The following CWC27 variants were observed in gnomAD, a reference collection of about 807,000 sequenced individuals.
CWC27 encodes the protein spliceosome-associated protein CWC27 homolog.
A neutral mutation model predicts 63.6 loss-of-function variants in CWC27; 47 were observed. The ratio of observed to expected loss-of-function variants is 0.74; its 90% confidence interval spans 0.58 to 0.94. The LOEUF (loss-of-function observed/expected upper bound fraction) is 0.94, where lower values mean the gene tolerates loss of function less well. CWC27 is among the 40% of genes least tolerant of loss of function. The probability of loss-of-function intolerance (pLI) is 0.00; values close to 1 mark genes in which losing one functional copy is unlikely to be tolerated. For missense variants in CWC27, 495 were observed against 554.3 expected, an observed-to-expected ratio of 0.89 and a Z score of 1.07; for synonymous variants, 175 against 179.8, an observed-to-expected ratio of 0.97 and a Z score of 0.22.
At chr5:64,880,404 G>A (rs1451648578) in intron 10 of CWC27, among the ~76,000 whole-genome samples, 4 of 151,888 alleles carry the variant, frequency 2.6e-5, no homozygotes, top group Non-Finnish European at 4.4e-5. Flanking sequence ...CTTCATAAAC[G>A]TCAGCCTTTT....
chr5:64,950,665 A>G (rs978505822), intron 11 of CWC27, among the ~76,000 whole-genome samples: 2 of 151,992 alleles, frequency 1.3e-5, no homozygotes, highest in Admixed American at 1.3e-4. Flanking sequence ...AAGTTCACCA[A>G]TTTTAAGTAG....
intron 10 of CWC27, among the ~76,000 whole-genome samples, chr5:64,812,308 G>A (rs1270371269): frequency 6.6e-6 from 1 of 152,022 alleles, no homozygotes; most frequent in East Asian, 1.9e-4. Flanking sequence ...ATCATCTCTA[G>A]GATGTGCCTC....
chr5:64,992,681 G>A (rs955503438), intron 13 of CWC27, among the ~76,000 whole-genome samples: 57 of 146,874 alleles, frequency 3.9e-4, no homozygotes, highest in African/African-American at 1.2e-3. Flanking sequence ...ACAGGCGCCC[G>A]CCACCACGCC....
chr5:64,775,729 A>G (rs1743418271), intron 2 of CWC27, among the ~76,000 whole-genome samples: 1 of 152,056 alleles, frequency 6.6e-6, no homozygotes, highest in African/African-American at 2.4e-5. Context: ...TTATACATCC[A>G]CTGAAGTGTT....
rs544983802 is a variant in CWC27 at position 64,980,325 on chromosome 5, G to A, written c.1256+3087G>A. Among the ~76,000 whole-genome samples the A allele has an allele frequency of 3.9e-5, 6 of 152,204 alleles. No homozygotes were observed. The South Asian group carries it at 8.3e-4, about 21-fold the overall frequency. ...ATTTTATGAAACCGATTAGACACAT[G>A]GCAGGAGGAATTTGCCCAGGGATTC... is the stretch of plus-strand genomic sequence containing the variant. On this transcript the variant is annotated intron_variant, in intron 13 of 13. Coordinates refer to ENST00000381070, the MANE Select transcript of CWC27 (RefSeq NM_005869.4).
intron 11 of CWC27, among the ~76,000 whole-genome samples, chr5:64,931,051 G>GA (rs796204158): frequency 5.3e-5 from 8 of 152,098 alleles, no homozygotes; most frequent in African/African-American, 1.9e-4. Flanking sequence ...TGGAACAAAG[G>GA]AAAAAATAAT....
intron 1 of CWC27, among the ~76,000 whole-genome samples, chr5:64,772,101 G>T (rs76965692): frequency 6.6e-6 from 1 of 152,084 alleles, no homozygotes; most frequent in Non-Finnish European, 1.5e-5. Flanking sequence ...GATAGTGTGC[G>T]CAAGGTAACA....
At chr5:64,840,361 TTAAAAAAAAAAAAAAAA>T (rs1436361342) in intron 10 of CWC27, among the ~76,000 whole-genome samples, 5 of 35,850 alleles carry the variant, frequency 1.4e-4, no homozygotes, top group African/African-American at 5.1e-4. Context: ...TCCTTTTTCA[TTAAAAAAAAAAAAAAAA>T]AAAAAAAAAA....
chr5:64,928,096 A>T (rs1393315419), intron 11 of CWC27, among the ~76,000 whole-genome samples: 2 of 151,930 alleles, frequency 1.3e-5, no homozygotes, highest in Non-Finnish European at 2.9e-5. Flanking sequence ...CCAAGGTTGC[A>T]GTGAGCTGAG....
chr5:64,816,572 C>T (rs1050996637), intron 10 of CWC27, among the ~76,000 whole-genome samples: 1 of 152,110 alleles, frequency 6.6e-6, no homozygotes, highest in African/African-American at 2.4e-5. Flanking sequence ...GAGCTAAGGA[C>T]GGTAGAATAG....
intron 13 of CWC27, among the ~76,000 whole-genome samples, chr5:65,008,569 T>C (rs1196881795): frequency 1.3e-5 from 2 of 152,184 alleles, no homozygotes; most frequent in Non-Finnish European, 2.9e-5. Flanking sequence ...AAGAAGAAAG[T>C]GCTAGAAGAA....
chr5:64,974,467 C>A (rs1254591458), intron 12 of CWC27, among the ~76,000 whole-genome samples: 7 of 152,122 alleles, frequency 4.6e-5, no homozygotes, highest in Admixed American at 3.3e-4. Context: ...CCCTGATAAA[C>A]CCATCAGATC....
chr5:64,845,041 AC>A (rs1202381035), intron 10 of CWC27: 1 of 456,552 alleles, frequency 2.2e-6, no homozygotes, highest in Non-Finnish European at 4.4e-6. Flanking sequence ...AGAAGCCATC[AC>A]AGTTTCTAGC....
intron 13 of CWC27, among the ~76,000 whole-genome samples, chr5:65,016,978 G>A (rs929832055): frequency 2.0e-5 from 3 of 152,166 alleles, no homozygotes; most frequent in African/African-American, 2.4e-5. Context: ...AGAAAAGTGT[G>A]TATAGGATAT....
At chr5:64,807,265 A>G (rs1744713274) in intron 10 of CWC27, among the ~76,000 whole-genome samples, 1 of 152,214 alleles carries the variant, frequency 6.6e-6, no homozygotes, top group Admixed American at 6.5e-5. Context: ...TTGGTAAGGA[A>G]ACATCTGGAA....
chr5:64,859,548 T>C (rs1746347641), intron 10 of CWC27, among the ~76,000 whole-genome samples: 1 of 152,198 alleles, frequency 6.6e-6, no homozygotes, highest in South Asian at 2.1e-4. Flanking sequence ...AGTATTACCC[T>C]GATACCAAAG....
chr5:64,861,997 T>C (rs1030121958), intron 10 of CWC27, among the ~76,000 whole-genome samples: 2 of 152,262 alleles, frequency 1.3e-5, no homozygotes, highest in African/African-American at 4.8e-5. Flanking sequence ...AAATCCATTT[T>C]AGGGGAAAGT....
intron 11 of CWC27, among the ~76,000 whole-genome samples, chr5:64,905,728 T>C (rs1269538442): frequency 2.0e-5 from 3 of 152,162 alleles, no homozygotes; most frequent in Non-Finnish European, 4.4e-5. Flanking sequence ...GTGCACAACA[T>C]GCAGGTTTCT....
At chr5:64,805,765 A>G (rs1490106279) in intron 10 of CWC27, among the ~76,000 whole-genome samples, 1 of 152,074 alleles carries the variant, frequency 6.6e-6, no homozygotes, top group Non-Finnish European at 1.5e-5. Context: ...TATAAGAACT[A>G]AAGTTCATTT....
Sources: allele counts gnomAD v4.1 joint callset (sites outside exome capture counted in the v4.1 genomes callset), GRCh38; gene constraint gnomAD v4.1.1; transcripts MANE v1.5; gene names NCBI Gene and HGNC (gene_info 2026-07-23, HGNC 2026-07-21).